The following LINGO2 variants were observed in gnomAD, a reference collection of about 807,000 sequenced individuals.
The protein encoded by LINGO2 is leucine rich repeat and Ig domain containing 2.
LINGO2 carries 14 observed loss-of-function variants against 30.6 expected under a neutral mutation model. The observed-to-expected ratio is 0.46, with a 90% CI of 0.30 to 0.72. LINGO2 has a LOEUF of 0.72. Among genes scored for constraint, LINGO2 ranks in the 30% least tolerant of loss-of-function variants. The pLI is 0.07. For missense variants in LINGO2, 729 were observed against 751.7 expected (o/e 0.97, Z 0.35); for synonymous variants, 317 against 288.5 (o/e 1.10, Z -1.00).
intron 4 of LINGO2, among the ~76,000 whole-genome samples, chr9:28,061,571 A>AG: frequency 6.6e-6 from 1 of 152,208 alleles, no homozygotes; most frequent in South Asian, 2.1e-4. Context: ...AAAATAAAAA[A>AG]AGTAAATGAA....
At chr9:28,975,941 T>C in the LINGO2 span, among the ~76,000 whole-genome samples, 2 of 152,240 alleles carry the variant, frequency 1.3e-5, no homozygotes, top group Non-Finnish European at 2.9e-5. Flanking sequence ...ACTCACTGTA[T>C]CAATTATGCA....
the LINGO2 span, among the ~76,000 whole-genome samples, chr9:28,741,245 T>C: frequency 3.2e-3 from 482 of 152,048 alleles, 7 homozygotes; most frequent in African/African-American, 0.011. Context: ...CTGTATCCTA[T>C]GTCCATAGGT....
chr9:29,183,161 C>G, the LINGO2 span, among the ~76,000 whole-genome samples: 1 of 152,134 alleles, frequency 6.6e-6, no homozygotes, highest in Non-Finnish European at 1.5e-5. Flanking sequence ...ATGCCAGGGA[C>G]AATTAATTTT....
intron 4 of LINGO2, among the ~76,000 whole-genome samples, chr9:28,121,770 A>T (rs1827102912): frequency 6.6e-6 from 1 of 152,230 alleles, no homozygotes; most frequent in South Asian, 2.1e-4. Context: ...AATAAAGAAA[A>T]CCTGCACACT....
rs538293071 is a variant in LINGO2 at position 28,337,517 on chromosome 9, T to C, written c.-246+35319A>G. On this transcript the variant is annotated intron_variant, in intron 3 of 5. Coordinates refer to ENST00000379992, the Ensembl canonical transcript of LINGO2. ...TTTTATCACCAATACAAGGGGAAAA[T>C]GTCTCCAGGGCATGTCAGAGACCTG... 3.5e-4 allele frequency among the ~76,000 whole-genome samples: 53 copies of C among 152,208 alleles called. No homozygotes were observed. The South Asian group carries it at 0.011, about 30-fold the overall frequency.
At chr9:28,576,658 T>C (rs762011598) in intron 1 of LINGO2, among the ~76,000 whole-genome samples, 24 of 152,160 alleles carry the variant, frequency 1.6e-4, no homozygotes, top group Non-Finnish European at 3.1e-4. Context: ...TGAAGCATTG[T>C]CACATACATC....
chr9:28,288,783 G>A (rs191338148), intron 4 of LINGO2, among the ~76,000 whole-genome samples: 1 of 152,140 alleles, frequency 6.6e-6, no homozygotes, highest in Non-Finnish European at 1.5e-5. Context: ...CTAAGAATGT[G>A]AAGAGTTACA....
chr9:28,061,037 GTTA>G (rs1825127957), intron 4 of LINGO2, among the ~76,000 whole-genome samples: 1 of 151,812 alleles, frequency 6.6e-6, no homozygotes, highest in African/African-American at 2.4e-5. Context: ...GTCGCATGCT[GTTA>G]TTATACCTTG....
At chr9:27,965,879 C>A (rs895414435) in intron 5 of LINGO2, among the ~76,000 whole-genome samples, 3 of 151,992 alleles carry the variant, frequency 2.0e-5, no homozygotes, top group African/African-American at 7.2e-5. Context: ...CACAAAATGA[C>A]CCTAATCTAT....
chr9:28,312,325 G>A (rs1824658585), intron 3 of LINGO2, among the ~76,000 whole-genome samples: 2 of 151,666 alleles, frequency 1.3e-5, no homozygotes, highest in Admixed American at 6.6e-5. Context: ...TTTGAAAATT[G>A]TGAATCATTT....
intron 1 of LINGO2, among the ~76,000 whole-genome samples, chr9:28,559,545 C>T (rs1047861642): frequency 1.1e-4 from 17 of 152,064 alleles, no homozygotes; most frequent in Non-Finnish European, 1.9e-4. Context: ...TGGCCACTGA[C>T]GGCCTTTGGT....
intron 3 of LINGO2, among the ~76,000 whole-genome samples, chr9:28,367,190 C>T (rs1820713309): frequency 6.6e-6 from 1 of 151,082 alleles, no homozygotes; most frequent in South Asian, 2.1e-4. Flanking sequence ...ATTCTTATCT[C>T]TCCTGGAGTT....
At chr9:29,074,938 A>G in the LINGO2 span, among the ~76,000 whole-genome samples, 226 of 151,984 alleles carry the variant, frequency 1.5e-3, no homozygotes, top group African/African-American at 5.1e-3. Flanking sequence ...GGCCTCCCAA[A>G]GTGCTGGGAT....
chr9:28,299,236 T>C (rs1422155361), intron 3 of LINGO2, among the ~76,000 whole-genome samples: 8 of 152,186 alleles, frequency 5.3e-5, no homozygotes, highest in African/African-American at 1.7e-4. Context: ...TGCTTGATCT[T>C]GATATATTCT....
In LINGO2 at chr9:28,541,063, G is replaced by A. The variant is rs1037147267; in HGVS notation, c.-364-65038C>T. On this transcript the variant is annotated intron_variant, in intron 1 of 5. Transcript: ENST00000379992. ...CATTCAAGAAGTTTAAAACAGAAAG[G>A]AACAATAGATAATGCAAAGTGAGAA... Among the ~76,000 whole-genome samples, 4 of 152,230 alleles carry A rather than the reference G, an allele frequency of 2.6e-5. No homozygotes were observed. The South Asian group carries it at 8.3e-4, about 32-fold the overall frequency.
chr9:28,003,394 G>GAGAGAGTT (rs144130824), intron 5 of LINGO2, among the ~76,000 whole-genome samples: 3 of 151,018 alleles, frequency 2.0e-5, no homozygotes, highest in Non-Finnish European at 4.4e-5. Context: ...TATAGAGAGA[G>GAGAGAGTT]AGAGAGTTAG....
At chr9:28,610,337 G>A (rs1825862875) in intron 1 of LINGO2, among the ~76,000 whole-genome samples, 1 of 151,846 alleles carries the variant, frequency 6.6e-6, no homozygotes, top group Non-Finnish European at 1.5e-5. Context: ...TTTGAAAACT[G>A]AAAAAGCAAT....
intron 1 of LINGO2, among the ~76,000 whole-genome samples, chr9:28,563,122 T>C (rs1023306844): frequency 1.3e-5 from 2 of 152,098 alleles, no homozygotes; most frequent in Admixed American, 6.5e-5. Flanking sequence ...GCTGGAATTA[T>C]AGGCCTGAAC....
intron 4 of LINGO2, among the ~76,000 whole-genome samples, chr9:28,076,654 T>A (rs1825632565): frequency 6.6e-6 from 1 of 152,140 alleles, no homozygotes; most frequent in African/African-American, 2.4e-5. Context: ...TAAGGTCTTT[T>A]GCTGATAAAT....
Sources: gnomAD v4.1 joint callset for allele counts (sites outside exome capture counted in the v4.1 genomes callset) on GRCh38, gnomAD v4.1.1 for gene constraint, MANE v1.5 for transcripts, NCBI Gene and HGNC (gene_info 2026-07-23, HGNC 2026-07-21) for gene names.